The following MT4 variants were observed in gnomAD, a reference collection of about 807,000 sequenced individuals.
MT4 encodes metallothionein 4, also known as metallothionein-4.
Under a neutral mutation model 9.5 loss-of-function variants are expected in MT4, and 11 were observed. That is an observed-to-expected ratio of 1.16 (90% CI 0.73 to 1.92). MT4 has a LOEUF of 1.92. MT4 is among the 30% of genes most tolerant of loss of function. The pLI is 0.00. For synonymous variants in MT4, 29 were observed against 24.6 expected, an observed-to-expected ratio of 1.18 and a Z score of -0.53; for missense variants, 88 against 78.7, an observed-to-expected ratio of 1.12 and a Z score of -0.45.
Position 56,565,094 on chromosome 16 carries a change from C to A in MT4, c.-35C>A, listed in dbSNP as rs758257413. 2 of 1,612,342 alleles carry A rather than the reference C, an allele frequency of 1.2e-6. No individual in the cohort carries two copies. Among genetic ancestry groups the A allele is most frequent in the South Asian group, 2.2e-5 (2 of 90,706 alleles). On this transcript the variant is annotated 5_prime_UTR_variant, in exon 1 of 3. Transcript: ENST00000219162. The stretch of plus-strand genomic sequence containing the variant: ...GCTCACTCAGCCTCCCTTCCCCAGC[C>A]GTGACAGCACTGGAGCCTTTCGGAC...
intron 2 of MT4, 66 bp downstream of exon 2, chr16:56,567,882 G>T (rs376003109): frequency 5.9e-5 from 81 of 1,364,294 alleles, no homozygotes; most frequent in Non-Finnish European, 8.3e-5. Flanking sequence ...GCCAGGTGCA[G>T]TGGCTCACGT....
intron 1 of MT4, among the ~76,000 whole-genome samples, chr16:56,566,827 G>GAAAGA (rs1959540625): frequency 9.2e-6 from 1 of 108,994 alleles, no homozygotes; most frequent in African/African-American, 3.5e-5. Context: ...AGAAAAGAAA[G>GAAAGA]AAAGAAAGAA....
chr16:56,567,877 G>A, intron 2 of MT4, 61 bp downstream of exon 2: 3 of 1,413,528 alleles, frequency 2.1e-6, no homozygotes, highest in Non-Finnish European at 3.0e-6. Context: ...TCCAGGCCAG[G>A]TGCAGTGGCT....
In MT4 at chr16:56,568,209, GAGAGAGAAAGAAAGAA is replaced by G. The variant is rs1300393339; in HGVS notation, c.97+397_97+412del. 6.3e-4 allele frequency among the ~76,000 whole-genome samples: 39 copies of G among 61,478 alleles called. 1 individual carries two copies. Among genetic ancestry groups the G allele is most frequent in the African/African-American group, 1.6e-3 (25 of 15,822 alleles). 40.3% of individuals were successfully genotyped at this position (61,478 alleles called of 152,430 possible). ...GAAGGAAGGAAGGAAGAGAGAGAGA[GAGAGAGAAAGAAAGAA>G]AGAAAGAAAGAAAGAAAGAAAGAAA... is the stretch of plus-strand genomic sequence containing the variant. On this transcript the variant is annotated intron_variant, in intron 2 of 2. Coordinates refer to ENST00000219162, the MANE Select transcript of MT4 (RefSeq NM_032935.3).
chr16:56,565,251 C>T (rs1346012362), intron 1 of MT4, 92 bp downstream of exon 1: 5 of 1,437,170 alleles, frequency 3.5e-6, no homozygotes, highest in South Asian at 1.3e-5. Flanking sequence ...TCTCTTCCCT[C>T]TAATTAGGAG....
In MT4 at chr16:56,568,197, AAG is replaced by A. The variant is rs369467435; in HGVS notation, c.97+399_97+400del. Among the ~76,000 whole-genome samples, 637 of 93,578 alleles carry A rather than the reference AAG, an allele frequency of 6.8e-3. 6 individuals carry two copies. Among genetic ancestry groups the A allele is most frequent in the South Asian group, 0.02 (39 of 1,950 alleles). The allele number at this position is 93,578 out of a possible 152,430, so 61.4% of individuals were successfully genotyped here. A position where few individuals can be genotyped will look rare whatever the true frequency, so the allele number is the denominator to read the frequency against. The stretch of plus-strand genomic sequence containing the variant: ...GAAGAAAGGAAGGAAGGAAGGAAGG[AAG>A]AGAGAGAGAGAGAGAGAAAGAAAGA... On this transcript the variant is annotated intron_variant, in intron 2 of 2. Transcript: ENST00000219162.
intron 2 of MT4, among the ~76,000 whole-genome samples, chr16:56,568,319 AAGAAAG>A (rs1959580041): frequency 6.7e-6 from 1 of 149,658 alleles, no homozygotes; most frequent in African/African-American, 2.5e-5. Context: ...GAAAGAAAGA[AAGAAAG>A]AAAGAAAGAA....
At chr16:56,567,645 A>G in intron 1 of MT4, 106 bp from the exon 2 acceptor site, 2 of 1,035,778 alleles carry the variant, frequency 1.9e-6, no homozygotes, top group Non-Finnish European at 3.0e-6. Context: ...CCAGTCCCCA[A>G]GGATATAGCC....
intron 1 of MT4, among the ~76,000 whole-genome samples, chr16:56,565,743 G>A (rs1959509840): frequency 6.6e-6 from 1 of 152,110 alleles, no homozygotes; most frequent in African/African-American, 2.4e-5. Context: ...AGCCATCCTG[G>A]GCTTTTACAA....
chr16:56,567,653 G>A, intron 1 of MT4, 98 bp from the exon 2 acceptor site: 1 of 1,125,754 alleles, frequency 8.9e-7, no homozygotes, highest in Non-Finnish European at 1.3e-6. Context: ...CAAGGATATA[G>A]CCCAGGAGCC....
intron 1 of MT4, among the ~76,000 whole-genome samples, chr16:56,566,489 AG>A (rs1164031544): frequency 6.6e-6 from 1 of 151,344 alleles, no homozygotes. Context: ...CCTGGGTGAC[AG>A]GGCAAGACCC....
intron 1 of MT4, 143 bp downstream of exon 1, chr16:56,565,302 G>T: frequency 6.6e-6 from 5 of 752,896 alleles, no homozygotes; most frequent in Non-Finnish European, 8.4e-6. Flanking sequence ...AGGTGGACTG[G>T]CCACCTCTGG....
chr16:56,568,719 A>AG, intron 2 of MT4, 122 bp from the exon 3 acceptor site: 2 of 610,470 alleles, frequency 3.3e-6, no homozygotes, highest in Non-Finnish European at 5.6e-6. Context: ...ATTTTTGCTA[A>AG]TGTGGATTGA....
chr16:56,568,271 GAGAAAGAAAGAA>G lies in MT4; in HGVS notation c.97+511_98-503del, dbSNP rs58324349. ...AGAAAGAAAGAAAGAGAGAGAGAGA[GAGAAAGAAAGAA>G]AGAAAGAAAGAAAGAAAGAAAGAAA... On this transcript the variant is annotated intron_variant, in intron 2 of 2. Transcript: ENST00000219162. 6.8e-3 allele frequency among the ~76,000 whole-genome samples: 396 copies of G among 58,602 alleles called. 4 individuals are homozygous for G. The highest frequency in any genetic ancestry group is 0.021 in the African/African-American group (375 of 17,622). 38.4% of individuals were successfully genotyped at this position (58,602 alleles called of 152,430 possible).
intron 2 of MT4, among the ~76,000 whole-genome samples, chr16:56,568,257 A>AAG (rs200348412): frequency 3.6e-5 from 3 of 83,186 alleles, no homozygotes; most frequent in Admixed American, 1.2e-4. Context: ...GAAAGAAAGA[A>AAG]AGAGAGAGAG....
chr16:56,568,225 A>AG (rs1959567589), intron 2 of MT4, among the ~76,000 whole-genome samples: 4 of 28,126 alleles, frequency 1.4e-4, no homozygotes, highest in South Asian at 1.3e-3. Flanking sequence ...GAAAGAAAGA[A>AG]AGAAAGAAAG....
At chr16:56,568,267 G>GAAAGAAAGAAAGAAGAAAGAA (rs1567330627) in intron 2 of MT4, among the ~76,000 whole-genome samples, 1 of 68,504 alleles carries the variant, frequency 1.5e-5, no homozygotes, top group African/African-American at 5.6e-5. Flanking sequence ...AAGAGAGAGA[G>GAAAGAAAGAAAGAAGAAAGAA]AGAGAGAAAG....
chr16:56,568,239 GAAAGAAAGAAAGAAAGAA>G (rs550191650), intron 2 of MT4, among the ~76,000 whole-genome samples: 1,100 of 41,038 alleles, frequency 0.027, 21 homozygotes, highest in African/African-American at 0.036. Context: ...AAGAAAGAAA[GAAAGAAAGAAAGAAAGAA>G]AGAGAGAGAG....
chr16:56,567,750 G>A lies in MT4; in HGVS notation c.32-1G>A. ...TGTGGTGGCTCTGTCCTGTCTTCTA[G>A]GAGGAATCTGCATGTGTGGAGACAA... On this transcript the variant is annotated splice_acceptor_variant, in intron 1 of 2. Transcript: ENST00000219162. LOFTEE classifies it high-confidence loss of function. The A allele has an allele frequency of 6.2e-7, 1 of 1,613,166 alleles. No homozygotes were observed. The highest frequency in any genetic ancestry group is 8.5e-7 in the Non-Finnish European group (1 of 1,179,302).
Sources: allele counts gnomAD v4.1 joint callset (sites outside exome capture counted in the v4.1 genomes callset), GRCh38; gene constraint gnomAD v4.1.1; transcripts MANE v1.5; gene names NCBI Gene and HGNC (gene_info 2026-07-23, HGNC 2026-07-21).